RBMS3: variants seen among roughly 807,000 people sequenced by gnomAD.
RBMS3 encodes the protein RNA binding motif single stranded interacting protein 3, also known as RNA-binding motif, single-stranded-interacting protein 3.
Under a neutral mutation model 66.8 loss-of-function variants are expected in RBMS3, and 27 were observed. The observed-to-expected ratio is 0.40, with a 90% CI of 0.30 to 0.56. The LOEUF (loss-of-function observed/expected upper bound fraction) is 0.56, where lower values mean the gene tolerates loss of function less well. Among genes scored for constraint, RBMS3 ranks in the 20% least tolerant of loss-of-function variants. RBMS3 has a pLI of 0.40. For synonymous variants in RBMS3, 188 were observed against 183.0 expected (o/e 1.03, Z -0.22); for missense variants, 513 against 549.5 (o/e 0.93, Z 0.66).
At chr3:29,939,877 A>T (rs1243048740) in intron 11 of RBMS3, among the ~76,000 whole-genome samples, 3 of 151,954 alleles carry the variant, frequency 2.0e-5, no homozygotes, top group Non-Finnish European at 2.9e-5. Context: ...ATCTCCATGG[A>T]AATCTCCCTC....
At chr3:29,707,403 G>A (rs58955567) in intron 4 of RBMS3, among the ~76,000 whole-genome samples, 12,435 of 152,172 alleles carry the variant, frequency 0.082, 1,702 homozygotes, top group African/African-American at 0.28. Flanking sequence ...GATTAATGAT[G>A]TTCCATAGCT....
intron 6 of RBMS3, among the ~76,000 whole-genome samples, chr3:29,844,049 A>AT (rs1369942798): frequency 2.0e-5 from 3 of 151,756 alleles, no homozygotes; most frequent in African/African-American, 7.3e-5. Flanking sequence ...CATTTTCTAC[A>AT]TTTTTTCTTT....
chr3:29,877,397 T>C (rs570459426), intron 7 of RBMS3, among the ~76,000 whole-genome samples: 1 of 152,110 alleles, frequency 6.6e-6, no homozygotes, highest in African/African-American at 2.4e-5. Flanking sequence ...AATACACTGG[T>C]CAAATGATGC....
intron 10 of RBMS3, among the ~76,000 whole-genome samples, chr3:29,919,582 T>A (rs1266924624): frequency 6.6e-6 from 1 of 152,222 alleles, no homozygotes; most frequent in Non-Finnish European, 1.5e-5. Flanking sequence ...TCAGTGTAAA[T>A]CCCTGTCTCT....
rs1459163095 is a variant in RBMS3 at position 29,307,682 on chromosome 3, GA to G, written c.75+25932del. Among the ~76,000 whole-genome samples the G allele has an allele frequency of 2.0e-5, 3 of 151,796 alleles. No homozygotes were observed. The East Asian group carries it at 5.9e-4, about 30-fold the overall frequency. On this transcript the variant is annotated intron_variant, in intron 1 of 14. Transcript: ENST00000383767. ...GCTGCCTTTGATTGTAGGATTTCAA[GA>G]AAAAATAAAAGAAAAACATGTTATT...
chr3:29,367,433 T>C (rs2037970275), intron 1 of RBMS3, among the ~76,000 whole-genome samples: 1 of 152,098 alleles, frequency 6.6e-6, no homozygotes, highest in Non-Finnish European at 1.5e-5. Context: ...TAACATTTAA[T>C]ATGATGTTGA....
intron 1 of RBMS3, among the ~76,000 whole-genome samples, chr3:29,298,309 T>C (rs2033427354): frequency 6.6e-6 from 1 of 151,952 alleles, no homozygotes; most frequent in Admixed American, 6.6e-5. Flanking sequence ...GCTCTCAGAA[T>C]GGAGAATCCT....
chr3:29,477,302 T>C (rs958765621), intron 2 of RBMS3, among the ~76,000 whole-genome samples: 7 of 152,136 alleles, frequency 4.6e-5, no homozygotes, highest in African/African-American at 1.7e-4. Flanking sequence ...CTTTGCAAAA[T>C]AGGAGGCATA....
chr3:29,852,749 G>A (rs1176106486), intron 6 of RBMS3, among the ~76,000 whole-genome samples: 3 of 152,150 alleles, frequency 2.0e-5, no homozygotes, highest in Admixed American at 6.5e-5. Context: ...AAAACAGTGT[G>A]GCAATTCTTC....
intron 1 of RBMS3, among the ~76,000 whole-genome samples, chr3:29,399,951 G>A (rs1239954294): frequency 6.6e-6 from 1 of 151,884 alleles, no homozygotes; most frequent in Non-Finnish European, 1.5e-5. Context: ...AAAACTGTAG[G>A]GATCAAATTC....
At chr3:29,835,053 T>A (rs1341040927) in intron 6 of RBMS3, among the ~76,000 whole-genome samples, 1 of 152,024 alleles carries the variant, frequency 6.6e-6, no homozygotes, top group Non-Finnish European at 1.5e-5. Context: ...GGTCACTGTA[T>A]AATGGTAAAG....
chr3:29,880,288 GA>G (rs1321500279), intron 7 of RBMS3, among the ~76,000 whole-genome samples: 1 of 152,028 alleles, frequency 6.6e-6, no homozygotes, highest in African/African-American at 2.4e-5. Flanking sequence ...ATGGAAACCT[GA>G]AAAATGGAAA....
rs369915516 is a variant in RBMS3 at position 29,935,975 on chromosome 3, A to C, written c.940-111A>C. ...ACAGTTGAATTTAGCCTTTTTAGTA[A>C]AAAAGTAAAAACATTTGATGTTCAC... On this transcript the variant is annotated intron_variant, in intron 10 of 14. Transcript: ENST00000383767. 6.3e-5 allele frequency: 58 copies of C among 918,272 alleles called. 4 individuals are homozygous for C. In the African/African-American group the frequency reaches 7.9e-4, roughly 12 times the overall value. 56.9% of individuals were successfully genotyped at this position (918,272 alleles called of 1,614,324 possible).
chr3:29,940,351 A>G (rs963009942), intron 11 of RBMS3, among the ~76,000 whole-genome samples: 1 of 151,884 alleles, frequency 6.6e-6, no homozygotes, highest in Non-Finnish European at 1.5e-5. Context: ...AATTCTGCAA[A>G]ACAAGGTGTG....
chr3:29,798,130 A>G (rs894762334), intron 6 of RBMS3, among the ~76,000 whole-genome samples: 1 of 151,596 alleles, frequency 6.6e-6, no homozygotes, highest in East Asian at 1.9e-4. Flanking sequence ...CCACAAAACT[A>G]TTAACAATAG....
At chr3:29,854,146 C>G (rs780863402) in intron 6 of RBMS3, among the ~76,000 whole-genome samples, 1 of 152,178 alleles carries the variant, frequency 6.6e-6, no homozygotes. Context: ...CCTGGCACTG[C>G]TCCCCAGCCT....
chr3:29,472,841 G>C (rs954180391), intron 2 of RBMS3, among the ~76,000 whole-genome samples: 16 of 152,124 alleles, frequency 1.1e-4, no homozygotes, highest in Admixed American at 1.3e-4. Context: ...AGCTTTCAAA[G>C]TCTGGAAGGG....
At chr3:29,743,247 A>C (rs1016245321) in intron 5 of RBMS3, among the ~76,000 whole-genome samples, 1 of 152,152 alleles carries the variant, frequency 6.6e-6, no homozygotes, top group African/African-American at 2.4e-5. Flanking sequence ...TCTTGCACAA[A>C]TGTTTCTCCT....
intron 10 of RBMS3, among the ~76,000 whole-genome samples, chr3:29,909,331 T>C (rs748487800): frequency 6.6e-6 from 1 of 152,116 alleles, no homozygotes; most frequent in Admixed American, 6.6e-5. Flanking sequence ...CACTGATGTG[T>C]GCGTAAAAGT....
Sources: gnomAD v4.1 joint callset for allele counts (sites outside exome capture counted in the v4.1 genomes callset) on GRCh38, gnomAD v4.1.1 for gene constraint, MANE v1.5 for transcripts, NCBI Gene and HGNC (gene_info 2026-07-23, HGNC 2026-07-21) for gene names.